Variants in SEC61A2 observed in about 807,000 individuals in gnomAD.
SEC61A2 encodes the protein SEC61 translocon subunit alpha 2, also known as protein transport protein Sec61 subunit alpha isoform 2.
Under a neutral mutation model 59.9 loss-of-function variants are expected in SEC61A2, and 28 were observed. That is an observed-to-expected ratio of 0.47 (90% CI 0.35 to 0.64). SEC61A2 has a LOEUF of 0.64. SEC61A2 is among the 30% of genes least tolerant of loss of function. The pLI, the probability that SEC61A2 is intolerant of heterozygous loss-of-function variation, is 0.01. For missense variants in SEC61A2, 340 were observed against 585.9 expected, an observed-to-expected ratio of 0.58 and a Z score of 4.33; for synonymous variants, 202 against 214.4, an observed-to-expected ratio of 0.94 and a Z score of 0.50.
downstream of SEC61A2, chr10:12,166,904 T>A (rs545097342): frequency 4.6e-5 from 15 of 329,322 alleles, no homozygotes; most frequent in African/African-American, 3.0e-4. Flanking sequence ...AGGTACTGGC[T>A]GATCTTGCTG....
Position 12,153,869 on chromosome 10 carries a change from A to G in SEC61A2, c.463-1909A>G. 6.8e-7 allele frequency: 1 copy of G among 1,471,688 alleles called. No individual in the cohort carries two copies. The highest frequency in any genetic ancestry group is 1.3e-5 in the South Asian group (1 of 75,166). The allele number at this position is 1,471,688 out of a possible 1,614,324, so 91.2% of individuals were successfully genotyped here. A position where few individuals can be genotyped will look rare whatever the true frequency, so the allele number is the denominator to read the frequency against. On this transcript the variant is annotated intron_variant, in intron 6 of 11. Coordinates refer to ENST00000298428, the MANE Select transcript of SEC61A2 (RefSeq NM_018144.4). The surrounding 1 kb of genome is among the most constrained non-coding windows in gnomAD (Gnocchi z 5.2). The stretch of plus-strand genomic sequence containing the variant: ...AAGGTATTTCTCACCTTATTTGTTT[A>G]TGTTTCATTCACGTGGTTAGTGTTT...
chr10:12,146,882 C>A (rs928326976), intron 4 of SEC61A2, among the ~76,000 whole-genome samples: 1 of 151,232 alleles, frequency 6.6e-6, no homozygotes, highest in African/African-American at 2.4e-5. Context: ...AACTTTTTGT[C>A]ATTTGTGTTT....
chr10:12,142,049 T>G lies in SEC61A2; in HGVS notation c.142-1068T>G, dbSNP rs1336893424. On this transcript the variant is annotated intron_variant, in intron 3 of 11. Coordinates refer to ENST00000298428, the MANE Select transcript of SEC61A2 (RefSeq NM_018144.4). This position sits in a 1 kb window ranked among gnomAD's most constrained non-coding sequence, Gnocchi z 5.4. ...ATCTATCATAGGGAAGGGGTGTATG[T>G]GCTTTGTGCAGGACAGTTGAAGGCA... Among the ~76,000 whole-genome samples the G allele has an allele frequency of 6.6e-6, 1 of 152,220 alleles. No individual in the cohort carries two copies. The highest frequency in any genetic ancestry group is 1.5e-5 in the Non-Finnish European group (1 of 68,038).
downstream of SEC61A2, chr10:12,165,842 C>T (rs1474919599): frequency 2.0e-5 from 3 of 152,136 alleles, no homozygotes; most frequent in African/African-American, 2.4e-5. Context: ...GACAGTGGCT[C>T]GGTGAGCATC....
At chr10:12,130,714 T>G (rs1833714631) in intron 1 of SEC61A2, 1 of 154,344 alleles carries the variant, frequency 6.5e-6, no homozygotes, top group African/African-American at 2.4e-5. Flanking sequence ...AATGAATGCT[T>G]TCATAATTCA....
At chr10:12,168,533 A>G (rs1834768502), downstream of SEC61A2, among the ~76,000 whole-genome samples, 1 of 151,938 alleles carries the variant, frequency 6.6e-6, no homozygotes, top group Non-Finnish European at 1.5e-5. The surrounding 1 kb of genome is among the most constrained non-coding windows in gnomAD (Gnocchi z 4.8). Flanking sequence ...CTGGAGATCT[A>G]CTACCAAGAA....
rs1386697475 is a variant in SEC61A2 at position 12,145,417 on chromosome 10, G to T, written c.220+2222G>T. Among the ~76,000 whole-genome samples the T allele has an allele frequency of 6.6e-6, 1 of 152,186 alleles. No homozygotes were observed. Among genetic ancestry groups the T allele is most frequent in the African/African-American group, 2.4e-5 (1 of 41,444 alleles). Reference sequence around the variant, plus strand: ...AAATTATCTTCCAAAACAGTTGTTTGATTTTACACTCTCAGCGACAGTATA... The same window carrying T: ...AAATTATCTTCCAAAACAGTTGTTTTATTTTACACTCTCAGCGACAGTATA... On this transcript the variant is annotated intron_variant, in intron 4 of 11. Coordinates refer to ENST00000298428, the MANE Select transcript of SEC61A2 (RefSeq NM_018144.4). The surrounding 1 kb of genome is among the most constrained non-coding windows in gnomAD (Gnocchi z 4.4).
In SEC61A2 at chr10:12,164,616, A is replaced by C; in HGVS notation, c.*162A>C. 7.0e-7 allele frequency: 1 copy of C among 1,428,938 alleles called. No homozygotes were observed. The highest frequency in any genetic ancestry group is 9.1e-7 in the Non-Finnish European group (1 of 1,097,780). The allele number at this position is 1,428,938 out of a possible 1,614,324, so 88.5% of individuals were successfully genotyped here. A position where few individuals can be genotyped will look rare whatever the true frequency, so the allele number is the denominator to read the frequency against. On this transcript the variant is annotated 3_prime_UTR_variant, in exon 12 of 12. Transcript: ENST00000298428. The surrounding 1 kb of genome is among the most constrained non-coding windows in gnomAD (Gnocchi z 7.3). Reference sequence around the variant, plus strand: ...TGGGCACCGAGCTAAGTCTGTGTGCAGCATTAGTACCCGCTGCCTTAAAAC... The same window carrying C: ...TGGGCACCGAGCTAAGTCTGTGTGCCGCATTAGTACCCGCTGCCTTAAAAC...
chr10:12,146,061 C>T (rs1834130631), intron 4 of SEC61A2, among the ~76,000 whole-genome samples: 1 of 152,142 alleles, frequency 6.6e-6, no homozygotes, highest in Admixed American at 6.6e-5. Context: ...GCTCTTGTTG[C>T]CCAGGCTGGA....
At chr10:12,130,080 C>T (rs943257063) in intron 1 of SEC61A2, among the ~76,000 whole-genome samples, 2 of 152,130 alleles carry the variant, frequency 1.3e-5, no homozygotes, top group Admixed American at 6.5e-5. Flanking sequence ...GTTAGGGCAC[C>T]GGGTGAACCT....
At chr10:12,140,299 G>A (rs542621413) in intron 3 of SEC61A2, among the ~76,000 whole-genome samples, 1 of 152,284 alleles carries the variant, frequency 6.6e-6, no homozygotes, top group African/African-American at 2.4e-5. Flanking sequence ...CACCTGCTTA[G>A]AGTGCCTTAA....
At position 12,162,297 on chromosome 10, in the gene SEC61A2, T is replaced by C. The variant is rs891552189; in HGVS notation, c.1244+8T>C. On this transcript the variant is annotated splice_region_variant and intron_variant, in intron 11 of 11. Transcript: ENST00000298428. The surrounding 1 kb of genome is among the most constrained non-coding windows in gnomAD (Gnocchi z 6.1). Reference sequence around the variant, plus strand: ...GGTTCATGAGCTTAATAGGTAAGGCTGCTAGACTGACACCTTTATAGGCCT... The same window carrying C: ...GGTTCATGAGCTTAATAGGTAAGGCCGCTAGACTGACACCTTTATAGGCCT... The C allele has an allele frequency of 1.9e-6, 3 of 1,606,178 alleles. No homozygotes were observed. In the African/African-American group the frequency reaches 4.0e-5, roughly 21 times the overall value.
In SEC61A2 at chr10:12,162,439, T is replaced by C. The variant is rs552472502; in HGVS notation, c.1244+150T>C. 10 of 802,430 alleles carry C rather than the reference T, an allele frequency of 1.2e-5. No homozygotes were observed. The highest frequency in any genetic ancestry group is 4.0e-5 in the South Asian group (3 of 74,494). 49.7% of individuals were successfully genotyped at this position (802,430 alleles called of 1,614,324 possible). ...AATTTCACACAAAACTTGTTTTCCATGTCAAAACCAACACCTGAATTTTTC... is the reference window on the plus strand; with the variant it reads ...AATTTCACACAAAACTTGTTTTCCACGTCAAAACCAACACCTGAATTTTTC... On this transcript the variant is annotated intron_variant, in intron 11 of 11. Coordinates refer to ENST00000298428, the MANE Select transcript of SEC61A2 (RefSeq NM_018144.4). This position sits in a 1 kb window ranked among gnomAD's most constrained non-coding sequence, Gnocchi z 6.1.
Position 12,156,840 on chromosome 10 carries a change from AGTT to A in SEC61A2, c.617-63_617-61del. 1 of 1,519,542 alleles carries A rather than the reference AGTT, an allele frequency of 6.6e-7. No individual in the cohort carries two copies. The highest frequency in any genetic ancestry group is 1.4e-5 in the African/African-American group (1 of 71,354). 94.1% of individuals were successfully genotyped at this position (1,519,542 alleles called of 1,614,324 possible). A position where few individuals can be genotyped will look rare whatever the true frequency, so the allele number is the denominator to read the frequency against. On this transcript the variant is annotated intron_variant, in intron 7 of 11. Coordinates refer to ENST00000298428, the MANE Select transcript of SEC61A2 (RefSeq NM_018144.4). The surrounding 1 kb of genome is among the most constrained non-coding windows in gnomAD (Gnocchi z 5.2). Reference sequence around the variant, plus strand: ...TGCTGTATACTGGACTTTCACGGTTAGTTGTTTGAGCTTTGGGACAGCTTTGGA... The same window carrying A: ...TGCTGTATACTGGACTTTCACGGTTAGTTTGAGCTTTGGGACAGCTTTGGA...
In SEC61A2 at chr10:12,134,832, C is replaced by G. The variant is rs564221304; in HGVS notation, c.76-1273C>G. Among the ~76,000 whole-genome samples, 170 of 151,782 alleles carry G rather than the reference C, an allele frequency of 1.1e-3. 1 individual carries two copies. Among genetic ancestry groups the G allele is most frequent in the African/African-American group, 4.0e-3 (164 of 41,366 alleles). ...TCTCGGGAGGCTGAGGCAGGAGAAT[C>G]GCTTGAACCTGGGGTGGTAGAGGTT... On this transcript the variant is annotated intron_variant, in intron 2 of 11. Coordinates refer to ENST00000298428, the MANE Select transcript of SEC61A2 (RefSeq NM_018144.4).
intron 2 of SEC61A2, 137 bp from the exon 3 acceptor site, chr10:12,135,968 C>A: frequency 1.6e-6 from 1 of 643,138 alleles, no homozygotes; most frequent in East Asian, 2.6e-5. Flanking sequence ...AACAAAAATG[C>A]TTCCTTTATA....
chr10:12,159,906 A>G (rs1446006746), intron 9 of SEC61A2, among the ~76,000 whole-genome samples: 5 of 152,168 alleles, frequency 3.3e-5, no homozygotes, highest in African/African-American at 1.2e-4. Context: ...TTTAAAAAAA[A>G]GGTTTTTTTA....
At position 12,156,062 on chromosome 10, in the gene SEC61A2, CA is replaced by C. The variant is rs1834390932; in HGVS notation, c.616+135del. 1.1e-6 allele frequency: 1 copy of C among 871,120 alleles called. No individual in the cohort carries two copies. The highest frequency in any genetic ancestry group is 1.8e-6 in the Non-Finnish European group (1 of 553,032). 54.0% of individuals were successfully genotyped at this position (871,120 alleles called of 1,614,324 possible). A position where few individuals can be genotyped will look rare whatever the true frequency, so the allele number is the denominator to read the frequency against. On this transcript the variant is annotated intron_variant, in intron 7 of 11. Transcript: ENST00000298428. This position sits in a 1 kb window ranked among gnomAD's most constrained non-coding sequence, Gnocchi z 5.2. ...TAGGGGATAAGGAATGCGAATTCTT[CA>C]AAACTTAATGAGCAGAGATTTGTGG... is the stretch of plus-strand genomic sequence containing the variant.
chr10:12,166,022 A>G (rs1203247177), downstream of SEC61A2: 1 of 152,280 alleles, frequency 6.6e-6, no homozygotes, highest in Non-Finnish European at 1.5e-5. Flanking sequence ...CCAGACTGCC[A>G]GTTCTCAAAC....
Sources: gnomAD v4.1 joint callset for allele counts (sites outside exome capture counted in the v4.1 genomes callset) on GRCh38, gnomAD v4.1.1 for gene constraint, Gnocchi (gnomAD v3.1) non-coding constraint, MANE v1.5 for transcripts, NCBI Gene and HGNC (gene_info 2026-07-23, HGNC 2026-07-21) for gene names.